The following PHYHIPL variants were observed in gnomAD, a reference collection of about 807,000 sequenced individuals.
PHYHIPL encodes phytanoyl-CoA hydroxylase-interacting protein-like.
PHYHIPL carries 9 observed loss-of-function variants against 33.4 expected under a neutral mutation model. The ratio of observed to expected loss-of-function variants is 0.27; its 90% CI spans 0.16 to 0.47. The LOEUF (loss-of-function observed/expected upper bound fraction) is 0.47. Ranked by LOEUF, PHYHIPL falls within the 20% of genes least tolerant of loss-of-function variation. PHYHIPL has a pLI of 0.99. For synonymous variants in PHYHIPL, 153 were observed against 154.1 expected (o/e 0.99, Z 0.05); for missense variants, 365 against 460.7 (o/e 0.79, Z 1.90).
intron 1 of PHYHIPL, among the ~76,000 whole-genome samples, chr10:59,177,914 A>G (rs980423044): frequency 1.3e-5 from 2 of 152,226 alleles, no homozygotes; most frequent in Non-Finnish European, 2.9e-5. Flanking sequence ...TGTTGTTAAG[A>G]GGGCCCCAAA....
At chr10:59,211,685 A>AAAAAG (rs1360269474) in intron 1 of PHYHIPL, among the ~76,000 whole-genome samples, 1 of 151,478 alleles carries the variant, frequency 6.6e-6, no homozygotes, top group Non-Finnish European at 1.5e-5. Flanking sequence ...AAAAAAAAAA[A>AAAAAG]AAAAAGGTAT....
chr10:59,219,861 C>G (rs1474552981), intron 1 of PHYHIPL, among the ~76,000 whole-genome samples: 3 of 152,062 alleles, frequency 2.0e-5, no homozygotes, highest in Admixed American at 6.6e-5. Context: ...TTCTAGTTAA[C>G]TACATGGTAT....
intron 1 of PHYHIPL, chr10:59,183,633 A>T (rs1277974270): frequency 1.0e-6 from 1 of 983,912 alleles, no homozygotes; most frequent in Non-Finnish European, 1.2e-6. Context: ...GTTTGTTACA[A>T]ATGTAACTAA....
intron 1 of PHYHIPL, among the ~76,000 whole-genome samples, chr10:59,229,304 T>C (rs1442928139): frequency 6.6e-6 from 1 of 152,196 alleles, no homozygotes; most frequent in Non-Finnish European, 1.5e-5. Flanking sequence ...TATATGTGTA[T>C]ATTGTATATT....
intron 1 of PHYHIPL, among the ~76,000 whole-genome samples, chr10:59,221,835 G>A (rs1839786450): frequency 6.6e-6 from 1 of 152,052 alleles, no homozygotes; most frequent in African/African-American, 2.4e-5. Context: ...TGAAGTTCCA[G>A]GATGGTAATA....
chr10:59,241,881 C>G (rs1840407799), intron 4 of PHYHIPL, among the ~76,000 whole-genome samples: 1 of 151,730 alleles, frequency 6.6e-6, no homozygotes, highest in South Asian at 2.1e-4. Flanking sequence ...TGAGCACAGA[C>G]AAAAAAGAAA....
chr10:59,200,312 A>G (rs527356652), intron 1 of PHYHIPL, among the ~76,000 whole-genome samples: 14 of 152,196 alleles, frequency 9.2e-5, no homozygotes, highest in Non-Finnish European at 2.1e-4. Flanking sequence ...CTATTGAGAT[A>G]ATCATGTGGT....
upstream of PHYHIPL, among the ~76,000 whole-genome samples, chr10:59,176,414 C>T (rs990217003): frequency 6.6e-6 from 1 of 152,038 alleles, no homozygotes; most frequent in African/African-American, 2.4e-5. Context: ...CGCGCTCGGT[C>T]GCCCGACGCC....
At chr10:59,244,562 C>CAAAAAAAAAAAAAAAAAAA (rs71006239) in intron 4 of PHYHIPL, among the ~76,000 whole-genome samples, 7 of 39,554 alleles carry the variant, frequency 1.8e-4, no homozygotes, top group East Asian at 1.0e-3. Flanking sequence ...GACTCTGTCT[C>CAAAAAAAAAAAAAAAAAAA]AAAAAAAAAA....
At chr10:59,239,458 C>T (rs988798987) in intron 4 of PHYHIPL, among the ~76,000 whole-genome samples, 2 of 151,984 alleles carry the variant, frequency 1.3e-5, no homozygotes, top group African/African-American at 4.8e-5. Context: ...TGGGTTCCTC[C>T]CATGACATGT....
chr10:59,227,879 G>A (rs4948329), intron 1 of PHYHIPL, among the ~76,000 whole-genome samples: 148,339 of 152,100 alleles, frequency 0.98, 72,393 homozygotes, highest in Middle Eastern at 1. Context: ...GTTTTGATCT[G>A]TTTTGAGCTA....
Position 59,176,684 on chromosome 10 carries a change from T to C in PHYHIPL, c.-170T>C, listed in dbSNP as rs1838259466. The C allele has an allele frequency of 1.7e-6, 1 of 595,380 alleles. No homozygotes were observed. Among genetic ancestry groups the C allele is most frequent in the South Asian group, 2.1e-5 (1 of 48,262 alleles). The allele number at this position is 595,380 out of a possible 1,614,324, so 36.9% of individuals were successfully genotyped here. On this transcript the variant is annotated 5_prime_UTR_variant, in exon 1 of 5. Coordinates refer to ENST00000373880, the MANE Select transcript of PHYHIPL (RefSeq NM_032439.4). ...CGGAGCTCCTGCCACAGCCGTCGCC[T>C]TCGCGGCGGCTCTCCAGCCCCGCGC...
intron 1 of PHYHIPL, among the ~76,000 whole-genome samples, chr10:59,228,548 T>G (rs1839992578): frequency 6.6e-6 from 1 of 152,158 alleles, no homozygotes; most frequent in Admixed American, 6.5e-5. Context: ...CAGTTTTCCC[T>G]CAGCATACTG....
chr10:59,207,447 C>T (rs1589274678), intron 1 of PHYHIPL, among the ~76,000 whole-genome samples: 2 of 152,198 alleles, frequency 1.3e-5, no homozygotes, highest in East Asian at 3.9e-4. Flanking sequence ...CCAGGAGATT[C>T]CCTCAGGTGT....
chr10:59,207,393 G>A (rs923046606), intron 1 of PHYHIPL, among the ~76,000 whole-genome samples: 14 of 152,098 alleles, frequency 9.2e-5, no homozygotes, highest in Non-Finnish European at 1.3e-4. Flanking sequence ...AGTGCACTCC[G>A]GCCCCCATAC....
chr10:59,176,407 GCTCGGTCGCC>G (rs1838249767), upstream of PHYHIPL, among the ~76,000 whole-genome samples: 1 of 152,046 alleles, frequency 6.6e-6, no homozygotes. Context: ...CTTCCCGCGC[GCTCGGTCGCC>G]CGACGCCTCA....
chr10:59,195,313 T>C (rs910596509), intron 1 of PHYHIPL, among the ~76,000 whole-genome samples: 2 of 152,178 alleles, frequency 1.3e-5, no homozygotes, highest in South Asian at 2.1e-4. Flanking sequence ...GAGAAAAGCA[T>C]ACAAATTTAT....
At chr10:59,178,193 T>G (rs1838305733) in intron 1 of PHYHIPL, among the ~76,000 whole-genome samples, 1 of 151,654 alleles carries the variant, frequency 6.6e-6, no homozygotes, top group African/African-American at 2.4e-5. Flanking sequence ...TAATATAAAT[T>G]TATATTTAAT....
intron 1 of PHYHIPL, among the ~76,000 whole-genome samples, chr10:59,224,176 TAATA>T (rs1297290323): frequency 3.9e-5 from 6 of 152,218 alleles, no homozygotes; most frequent in Non-Finnish European, 8.8e-5. Context: ...GTTATATGGA[TAATA>T]AATACTCAAT....
Sources: gnomAD v4.1 joint callset for allele counts (sites outside exome capture counted in the v4.1 genomes callset) on GRCh38, gnomAD v4.1.1 for gene constraint, MANE v1.5 for transcripts, NCBI Gene and HGNC (gene_info 2026-07-23, HGNC 2026-07-21) for gene names.